The following SPAG16 variants were observed in gnomAD, a reference collection of about 807,000 sequenced individuals.
The protein encoded by SPAG16 is sperm associated antigen 16.
SPAG16 carries 86 observed loss-of-function variants against 80.4 expected under a neutral mutation model. The observed-to-expected ratio is 1.07, with a 90% CI of 0.90 to 1.28. SPAG16 has a LOEUF of 1.28. SPAG16 is among the 50% of genes most tolerant of loss of function. SPAG16 has a pLI of 0.00. For synonymous variants in SPAG16, 294 were observed against 265.9 expected (o/e 1.11, Z -1.03); for missense variants, 870 against 765.3 (o/e 1.14, Z -1.61).
At chr2:213,506,952 G>C (rs1488395363) in intron 10 of SPAG16, among the ~76,000 whole-genome samples, 5 of 152,162 alleles carry the variant, frequency 3.3e-5, no homozygotes, top group Non-Finnish European at 7.3e-5. Flanking sequence ...TGCTCTCTAG[G>C]AAAAGAGACT....
chr2:214,357,497 G>A (rs10171702), intron 15 of SPAG16, among the ~76,000 whole-genome samples: 147,551 of 151,844 alleles, frequency 0.97, 71,854 homozygotes, highest in Middle Eastern at 1. Context: ...CCCTCCCCCA[G>A]TCTTCTGAGT....
At chr2:213,750,862 G>C (rs2068047208) in intron 10 of SPAG16, among the ~76,000 whole-genome samples, 1 of 152,092 alleles carries the variant, frequency 6.6e-6, no homozygotes, top group Non-Finnish European at 1.5e-5. Flanking sequence ...CTTAATATGG[G>C]TTGCATCCTC....
At chr2:213,780,248 A>G (rs1280050917) in intron 10 of SPAG16, among the ~76,000 whole-genome samples, 1 of 152,208 alleles carries the variant, frequency 6.6e-6, no homozygotes, top group Non-Finnish European at 1.5e-5. Context: ...AGATACCTTT[A>G]CTATCACATG....
chr2:214,336,179 C>T (rs1024510572), intron 15 of SPAG16, among the ~76,000 whole-genome samples: 3 of 152,144 alleles, frequency 2.0e-5, no homozygotes, highest in African/African-American at 7.2e-5. Context: ...TAGTTGAAAA[C>T]ATTTTTATGG....
In SPAG16 at chr2:214,025,437, T is replaced by C. The variant is rs143806977; in HGVS notation, c.1527+11360T>C. On this transcript the variant is annotated intron_variant, in intron 13 of 15. Transcript: ENST00000331683. ...ACTAGGAATAAGCTTGTCACTGTTA[T>C]TCATTCTTTTATACATTCAACCCAT... Among the ~76,000 whole-genome samples the C allele has an allele frequency of 1.8e-3, 276 of 151,812 alleles. 2 individuals are homozygous for C. Among genetic ancestry groups the C allele is most frequent in the East Asian group, 0.013 (67 of 5,180 alleles).
intron 15 of SPAG16, among the ~76,000 whole-genome samples, chr2:214,295,393 G>C (rs1053789452): frequency 4.6e-5 from 7 of 152,002 alleles, no homozygotes; most frequent in Non-Finnish European, 1.0e-4. Context: ...CATTTATTAA[G>C]CGTATTTTTT....
chr2:214,056,280 TACACACACACACAC>T (rs60247479), intron 13 of SPAG16, among the ~76,000 whole-genome samples: 118 of 144,668 alleles, frequency 8.2e-4, no homozygotes, highest in African/African-American at 2.7e-3. Context: ...GTAGTAGAAA[TACACACACACACAC>T]ACACACACAC....
At chr2:213,944,915 G>A (rs1335474744) in intron 12 of SPAG16, among the ~76,000 whole-genome samples, 1 of 152,040 alleles carries the variant, frequency 6.6e-6, no homozygotes, top group Non-Finnish European at 1.5e-5. Flanking sequence ...GCGTGCACCT[G>A]TAATCCCAGC....
At chr2:214,243,027 G>C (rs1023793465) in intron 15 of SPAG16, among the ~76,000 whole-genome samples, 2 of 152,088 alleles carry the variant, frequency 1.3e-5, no homozygotes, top group Non-Finnish European at 2.9e-5. Context: ...ATAATGAAAA[G>C]CATGTATAAT....
In SPAG16 at chr2:213,299,052, C is replaced by T. The variant is rs146997014; in HGVS notation, c.279+1695C>T. ...AAAGAATACTTATTGCTTGTTAAAT[C>T]CATTTTTTGTTCTGATCTTATATAT... On this transcript the variant is annotated intron_variant, in intron 3 of 15. Transcript: ENST00000331683. 1.7e-4 allele frequency among the ~76,000 whole-genome samples: 26 copies of T among 152,064 alleles called. 1 individual carries two copies. Among genetic ancestry groups the T allele is most frequent in the African/African-American group, 6.3e-4 (26 of 41,502 alleles).
chr2:213,364,973 A>G (rs1559458235), intron 8 of SPAG16: 2 of 152,234 alleles, frequency 1.3e-5, no homozygotes, highest in South Asian at 4.1e-4. Flanking sequence ...CTTAGAGAGG[A>G]CACAGAATTT....
At chr2:213,906,015 A>G (rs2077415397) in intron 11 of SPAG16, among the ~76,000 whole-genome samples, 2 of 152,156 alleles carry the variant, frequency 1.3e-5, no homozygotes, top group South Asian at 4.1e-4. Flanking sequence ...TCCTGTCTTG[A>G]AATATCTTAG....
At chr2:213,498,788 A>G (rs765095810) in intron 10 of SPAG16, among the ~76,000 whole-genome samples, 14 of 152,032 alleles carry the variant, frequency 9.2e-5, no homozygotes, top group Non-Finnish European at 1.6e-4. Flanking sequence ...GAGTCTTTTT[A>G]ACATCCTCTT....
intron 15 of SPAG16, among the ~76,000 whole-genome samples, chr2:214,202,120 A>G (rs1207277295): frequency 6.6e-6 from 1 of 152,212 alleles, no homozygotes. Flanking sequence ...TGCTGGGATT[A>G]CAGGTTTAAG....
chr2:213,900,088 T>C (rs1444174012), intron 11 of SPAG16, among the ~76,000 whole-genome samples: 1 of 152,152 alleles, frequency 6.6e-6, no homozygotes, highest in Non-Finnish European at 1.5e-5. Flanking sequence ...CAATCCTCCT[T>C]AGACTTGAAC....
At chr2:213,761,340 T>C (rs568287986) in intron 10 of SPAG16, among the ~76,000 whole-genome samples, 1 of 152,078 alleles carries the variant, frequency 6.6e-6, no homozygotes, top group Non-Finnish European at 1.5e-5. Flanking sequence ...AGCTTTACAA[T>C]GTATGGAACT....
intron 13 of SPAG16, among the ~76,000 whole-genome samples, chr2:214,041,535 T>C (rs1015969523): frequency 2.0e-5 from 3 of 152,016 alleles, no homozygotes; most frequent in Non-Finnish European, 4.4e-5. Flanking sequence ...AGTGCATTTT[T>C]TTTTAGGGGA....
chr2:214,018,043 A>G (rs1376226456), intron 13 of SPAG16, among the ~76,000 whole-genome samples: 1 of 152,148 alleles, frequency 6.6e-6, no homozygotes, highest in East Asian at 1.9e-4. Flanking sequence ...AAAAAAATTT[A>G]AATTGATAGC....
chr2:214,028,207 G>A (rs1454940221), intron 13 of SPAG16, among the ~76,000 whole-genome samples: 1 of 151,896 alleles, frequency 6.6e-6, no homozygotes, highest in Non-Finnish European at 1.5e-5. Flanking sequence ...CTGATTATAG[G>A]AAAATGGTGG....
Sources: allele counts gnomAD v4.1 joint callset (sites outside exome capture counted in the v4.1 genomes callset), GRCh38; gene constraint gnomAD v4.1.1; transcripts MANE v1.5; gene names NCBI Gene and HGNC (gene_info 2026-07-23, HGNC 2026-07-21).